The following LYSMD4 variants were observed in gnomAD, a reference collection of about 807,000 sequenced individuals.
LYSMD4 encodes the protein lysM and putative peptidoglycan-binding domain-containing protein 4.
In LYSMD4, 9 loss-of-function variants were observed where a neutral mutation model predicts 6.1. That is an observed-to-expected ratio of 1.47 (90% CI 0.88 to 2.56). The LOEUF (loss-of-function observed/expected upper bound fraction) is 2.56, where lower values mean the gene tolerates loss of function less well. Ranked by LOEUF, LYSMD4 falls within the 30% of genes most tolerant of loss-of-function variation. The probability of loss-of-function intolerance (pLI) is 0.00; values close to 1 mark genes in which losing one functional copy is unlikely to be tolerated. For synonymous variants in LYSMD4, 143 were observed against 148.5 expected, an observed-to-expected ratio of 0.96 and a Z score of 0.27; for missense variants, 384 against 373.5, an observed-to-expected ratio of 1.03 and a Z score of -0.23.
exon 1 of LYSMD4, chr15:99,717,460 G>A (rs569013069): frequency 2.4e-4 from 37 of 152,228 alleles, no homozygotes; most frequent in African/African-American, 8.4e-4. Context: ...TTGTAAAACT[G>A]AGAGGAAGAG....
In LYSMD4 at chr15:99,732,016, C is replaced by G. The variant is rs753645503; in HGVS notation, c.-8-9G>C. On this transcript the variant is annotated splice_polypyrimidine_tract_variant and intron_variant, in intron 1 of 2. Transcript: ENST00000684762. Reference sequence around the variant, plus strand: ...GTGCCTCATTTTCTTCACTGAAAATCAAGCCGGAGGGTTAATTCCACAGAA... The same window carrying G: ...GTGCCTCATTTTCTTCACTGAAAATGAAGCCGGAGGGTTAATTCCACAGAA... 179 of 1,541,738 alleles carry G rather than the reference C, an allele frequency of 1.2e-4. No homozygotes were observed. Among genetic ancestry groups the G allele is most frequent in the African/African-American group, 4.1e-5 (3 of 73,322 alleles).
rs1398946190 is a variant in LYSMD4 at position 99,728,971 on chromosome 15, G to C, written c.*152C>G. Reference sequence around the variant, plus strand: ...TTAGACTGGGTAAGGCCATGCCCAGGGCCAGTGCAATTGGGAATACTGCAG... The same window carrying C: ...TTAGACTGGGTAAGGCCATGCCCAGCGCCAGTGCAATTGGGAATACTGCAG... On this transcript the variant is annotated 3_prime_UTR_variant, in exon 3 of 3. Coordinates refer to ENST00000684762, the MANE Select transcript of LYSMD4 (RefSeq NM_001284417.2). 1 of 1,071,150 alleles carries C rather than the reference G, an allele frequency of 9.3e-7. No individual in the cohort carries two copies. Among genetic ancestry groups the C allele is most frequent in the African/African-American group, 1.6e-5 (1 of 63,698 alleles). 66.4% of individuals were successfully genotyped at this position (1,071,150 alleles called of 1,614,324 possible).
At chr15:99,721,726 T>C (rs2059239466), upstream of LYSMD4, among the ~76,000 whole-genome samples, 1 of 152,206 alleles carries the variant, frequency 6.6e-6, no homozygotes, top group East Asian at 1.9e-4. Context: ...TGGCCTATGA[T>C]ATTCTGTTTC....
downstream of LYSMD4, among the ~76,000 whole-genome samples, chr15:99,723,694 G>A (rs924218172): frequency 1.8e-4 from 27 of 152,142 alleles, no homozygotes; most frequent in African/African-American, 6.3e-4. Context: ...AGCTTCTTGC[G>A]ATGACACCAG....
exon 1 of LYSMD4, chr15:99,716,827 A>C (rs1424971903): frequency 1.1e-5 from 4 of 379,262 alleles, no homozygotes; most frequent in Non-Finnish European, 5.3e-6. Flanking sequence ...TCTCACAGGA[A>C]ATACGCCAAA....
At position 99,731,728 on chromosome 15, in the gene LYSMD4, T is replaced by C. The variant is rs1349894672; in HGVS notation, c.272A>G (p.Tyr91Cys). The C allele has an allele frequency of 6.3e-7, 1 of 1,596,230 alleles. No individual in the cohort carries two copies. Among genetic ancestry groups the C allele is most frequent in the Admixed American group, 1.7e-5 (1 of 59,246 alleles). Residue 91 changes from tyrosine to cysteine, a missense_variant, in exon 2 of 3, where the codon TAT becomes TGT. Physicochemically the swap from Tyr to Cys is radical, Grantham distance 194 (BLOSUM62 -2). Coordinates refer to ENST00000684762, the MANE Select transcript of LYSMD4 (RefSeq NM_001284417.2). ...TGAGGGGTGTCTTACTTTGCAGCCATACTGCAGCGCCAGCTTGTTGAGGCT... is the reference window on the plus strand; with the variant it reads ...TGAGGGGTGTCTTACTTTGCAGCCACACTGCAGCGCCAGCTTGTTGAGGCT... ...EDSLNKLALQ[Y>C]GCKVADIKKV...
At chr15:99,732,458 G>T (rs1025849199) in intron 1 of LYSMD4, among the ~76,000 whole-genome samples, 2 of 152,196 alleles carry the variant, frequency 1.3e-5, no homozygotes, top group Non-Finnish European at 2.9e-5. Context: ...CACTAAGAAG[G>T]TCAGCGCTAA....
rs765547128 is a variant in LYSMD4 at position 99,729,217 on chromosome 15, G to A, written c.797C>T (p.Thr266Ile). ...VIPNGSMAMG[T>I]VPGQAPRLAV... ...TAGTCTGGGGGCTTGCCCTGGAACTGTACCCATTGCCATCGAGCCATTGGG... is the reference window on the plus strand; with the variant it reads ...TAGTCTGGGGGCTTGCCCTGGAACTATACCCATTGCCATCGAGCCATTGGG... The change falls in exon 3 of 3, where the codon ACA becomes ATA. Residue 266 changes from threonine to isoleucine, a missense_variant. Thr to Ile is a moderately conservative substitution (Grantham distance 89). Transcript: ENST00000684762. 1.2e-6 allele frequency: 2 copies of A among 1,614,220 alleles called. No individual in the cohort carries two copies. Among genetic ancestry groups the A allele is most frequent in the East Asian group, 2.2e-5 (1 of 44,888 alleles).
Position 99,729,271 on chromosome 15 carries a change from G to C in LYSMD4, c.743C>G (p.Thr248Ser). 6.2e-7 allele frequency: 1 copy of C among 1,614,170 alleles called. No homozygotes were observed. The highest frequency in any genetic ancestry group is 8.5e-7 in the Non-Finnish European group (1 of 1,180,036). Residue 248 changes from threonine to serine, a missense_variant, in exon 3 of 3, where the codon ACC becomes AGC. Coordinates refer to ENST00000684762, the MANE Select transcript of LYSMD4 (RefSeq NM_001284417.2). ...GACAGTTGTGTTCAAGCTATTAGGG[G>C]TCTCACCACTAGCTTGTATTTTAAA... ...VYFKIQASGE[T>S]PNSLNTTVIP...
intron 2 of LYSMD4, 47 bp downstream of exon 2, chr15:99,731,671 G>A: frequency 1.3e-6 from 2 of 1,535,062 alleles, no homozygotes; most frequent in Non-Finnish European, 1.7e-6. Context: ...TGAGTTCCCC[G>A]TGTTCCTTGA....
intron 1 of LYSMD4, among the ~76,000 whole-genome samples, chr15:99,732,631 G>C (rs1197338711): frequency 2.6e-5 from 4 of 151,902 alleles, no homozygotes; most frequent in African/African-American, 9.7e-5. Flanking sequence ...CCATTGTCTG[G>C]TTTTTATTTT....
upstream of LYSMD4, among the ~76,000 whole-genome samples, chr15:99,721,728 TTC>T (rs1228637842): frequency 1.3e-5 from 2 of 152,194 alleles, no homozygotes; most frequent in African/African-American, 4.8e-5. Flanking sequence ...GCCTATGATA[TTC>T]TGTTTCTGGC....
chr15:99,725,113 C>T (rs1241090774), downstream of LYSMD4, among the ~76,000 whole-genome samples: 3 of 150,522 alleles, frequency 2.0e-5, no homozygotes, highest in Non-Finnish European at 4.5e-5. Flanking sequence ...GGGAAGGAAG[C>T]AGGTAAGGGA....
chr15:99,723,582 G>A (rs546840548), downstream of LYSMD4, among the ~76,000 whole-genome samples: 1 of 152,274 alleles, frequency 6.6e-6, no homozygotes, highest in East Asian at 1.9e-4. Flanking sequence ...TCTGGCCTGA[G>A]CGTGCCCCTG....
At position 99,731,920 on chromosome 15, in the gene LYSMD4, A is replaced by G. The variant is rs1456278652; in HGVS notation, c.80T>C (p.Met27Thr). ...VCGTPTSHVY[M>T]FKNGSGDSGD... The stretch of plus-strand genomic sequence containing the variant: ...CGAGTCCCCACTGCCATTCTTAAAC[A>G]TGTATACGTGGCTGGTCGGAGTCCC... The change falls in exon 2 of 3, where the codon ATG becomes ACG. Residue 27 changes from methionine (M) to threonine (T), a missense_variant. Met to Thr is a moderately conservative substitution (Grantham distance 81). Coordinates refer to ENST00000684762, the MANE Select transcript of LYSMD4 (RefSeq NM_001284417.2). 8 of 1,613,214 alleles carry G rather than the reference A, an allele frequency of 5.0e-6. No individual in the cohort carries two copies. The highest frequency in any genetic ancestry group is 6.8e-6 in the Non-Finnish European group (8 of 1,179,988).
chr15:99,730,634 A>G (rs532826882), intron 2 of LYSMD4, among the ~76,000 whole-genome samples: 1 of 152,364 alleles, frequency 6.6e-6, no homozygotes, highest in South Asian at 2.1e-4. Context: ...GGTAGGGGAC[A>G]TTTTTAATTC....
At chr15:99,721,345 G>A (rs1411168681), upstream of LYSMD4, among the ~76,000 whole-genome samples, 3 of 152,196 alleles carry the variant, frequency 2.0e-5, no homozygotes, top group Admixed American at 6.5e-5. Context: ...ATCTCAAAGT[G>A]CCCATAAGGA....
At chr15:99,718,574 G>C (rs2059212524), upstream of LYSMD4, among the ~76,000 whole-genome samples, 1 of 152,072 alleles carries the variant, frequency 6.6e-6, no homozygotes, top group African/African-American at 2.4e-5. Context: ...ATGTCATTGT[G>C]GACTCGGATT....
rs904498192 is a variant in LYSMD4, at chr15:99,731,770, T to A, written c.230A>T (p.Glu77Val). 1.1e-5 allele frequency: 18 copies of A among 1,609,854 alleles called. No homozygotes were observed. Among genetic ancestry groups the A allele is most frequent in the Non-Finnish European group, 1.5e-5 (18 of 1,178,594 alleles). ...GAGDVVLLQR[E>V]LAQEDSLNKL... is the part of the protein sequence containing the mutation. The stretch of plus-strand genomic sequence containing the variant: ...GTTGAGGCTGTCCTCCTGGGCCAGC[T>A]CCCGCTGCAGCAGCACCACGTCACC... Residue 77 changes from glutamate to valine, a missense_variant, in exon 2 of 3, where the codon GAG (glutamate) becomes GTG (valine). Glu to Val is a moderately radical substitution (Grantham distance 121). Coordinates refer to ENST00000684762, the MANE Select transcript of LYSMD4 (RefSeq NM_001284417.2).
Sources: allele counts gnomAD v4.1 joint callset (sites outside exome capture counted in the v4.1 genomes callset), GRCh38; gene constraint gnomAD v4.1.1; transcripts MANE v1.5; gene names NCBI Gene and HGNC (gene_info 2026-07-23, HGNC 2026-07-21).